The following AGTPBP1 variants were observed in gnomAD, a reference collection of about 807,000 sequenced individuals.
AGTPBP1 encodes ATP/GTP binding carboxypeptidase 1, also known as cytosolic carboxypeptidase 1.
A neutral mutation model predicts 143.9 loss-of-function variants in AGTPBP1; 70 were observed. The observed-to-expected ratio is 0.49, with a 90% CI of 0.40 to 0.59. The LOEUF (loss-of-function observed/expected upper bound fraction) is 0.59. Ranked by LOEUF, AGTPBP1 falls within the 20% of genes least tolerant of loss-of-function variation. The pLI is 0.00. For missense variants in AGTPBP1, 1,229 were observed against 1,464.5 expected, an observed-to-expected ratio of 0.84 and a Z score of 2.62; for synonymous variants, 463 against 500.2, an observed-to-expected ratio of 0.93 and a Z score of 0.99.
At chr9:85,704,746 A>G (rs575582462) in intron 2 of AGTPBP1, among the ~76,000 whole-genome samples, 2 of 152,336 alleles carry the variant, frequency 1.3e-5, no homozygotes, top group East Asian at 3.9e-4. Flanking sequence ...GGTAAGTACA[A>G]TCTATAATGG....
chr9:85,763,342 C>T, the AGTPBP1 span, among the ~76,000 whole-genome samples: 11 of 151,990 alleles, frequency 7.2e-5, no homozygotes, highest in Non-Finnish European at 1.3e-4. Context: ...AGACCCAGGA[C>T]AACTGGTCCA....
At chr9:85,608,880 T>C (rs1830141894) in intron 17 of AGTPBP1, among the ~76,000 whole-genome samples, 1 of 151,604 alleles carries the variant, frequency 6.6e-6, no homozygotes, top group African/African-American at 2.4e-5. Flanking sequence ...GAAGAATAAT[T>C]TGGGATATCA....
the AGTPBP1 span, among the ~76,000 whole-genome samples, chr9:85,752,869 G>T: frequency 6.6e-6 from 1 of 152,076 alleles, no homozygotes; most frequent in Non-Finnish European, 1.5e-5. Context: ...TAAAAAATTA[G>T]CTGGATGTGG....
Position 85,712,582 on chromosome 9 carries a change from T to TA in AGTPBP1, c.-33-17dup, listed in dbSNP as rs1388659232. 7.8e-7 allele frequency: 1 copy of TA among 1,283,302 alleles called. No homozygotes were observed. Among genetic ancestry groups the TA allele is most frequent in the African/African-American group, 1.5e-5 (1 of 66,110 alleles). 79.5% of individuals were successfully genotyped at this position (1,283,302 alleles called of 1,614,324 possible). A position where few individuals can be genotyped will look rare whatever the true frequency, so the allele number is the denominator to read the frequency against. ...TGCAGATAATCTAAAAGAAAAATGT[T>TA]AATGATATTAAAAACTTATAACTCT... On this transcript the variant is annotated splice_polypyrimidine_tract_variant and intron_variant, in intron 1 of 25. Transcript: ENST00000357081.
At chr9:85,677,616 A>G in intron 5 of AGTPBP1, 34 bp from the exon 6 acceptor site, 1 of 1,461,452 alleles carries the variant, frequency 6.8e-7, no homozygotes, top group Non-Finnish European at 9.1e-7. Flanking sequence ...TTTAAACAAC[A>G]AATTAAAAAA....
the AGTPBP1 span, among the ~76,000 whole-genome samples, chr9:85,758,307 C>G: frequency 9.9e-5 from 15 of 152,222 alleles, no homozygotes; most frequent in African/African-American, 3.6e-4. Flanking sequence ...CTATAAAGAA[C>G]TACAAGTTAT....
At chr9:85,576,369 A>G (rs1040421369) in intron 24 of AGTPBP1, among the ~76,000 whole-genome samples, 9 of 152,196 alleles carry the variant, frequency 5.9e-5, no homozygotes, top group African/African-American at 2.2e-4. Context: ...GGCACACGGT[A>G]ACTGAAGAAA....
chr9:85,593,206 C>G (rs916201510), intron 18 of AGTPBP1, among the ~76,000 whole-genome samples: 4 of 152,122 alleles, frequency 2.6e-5, no homozygotes, highest in Non-Finnish European at 5.9e-5. Flanking sequence ...AAAACCAAAC[C>G]TGAAGTTGAT....
At chr9:85,620,270 C>T (rs192836184) in intron 15 of AGTPBP1, among the ~76,000 whole-genome samples, 265 of 151,892 alleles carry the variant, frequency 1.7e-3, no homozygotes, top group Non-Finnish European at 2.1e-3. Context: ...AAAAATTAGC[C>T]AGGCGTGGTG....
chr9:85,621,306 C>A, intron 14 of AGTPBP1, 21 bp from the exon 15 acceptor site: 1 of 1,256,780 alleles, frequency 8.0e-7, no homozygotes, highest in Non-Finnish European at 1.1e-6. Flanking sequence ...AAAGGTTTAA[C>A]CAAAATATAT....
intron 25 of AGTPBP1, among the ~76,000 whole-genome samples, chr9:85,548,673 TTG>T (rs774146166): frequency 5.6e-5 from 8 of 142,764 alleles, no homozygotes; most frequent in East Asian, 2.0e-4. Context: ...TGGTTTTTTT[TTG>T]TTTTTGTTTT....
chr9:85,717,948 G>A (rs990698497), intron 1 of AGTPBP1, among the ~76,000 whole-genome samples: 2 of 151,946 alleles, frequency 1.3e-5, no homozygotes, highest in South Asian at 4.2e-4. Context: ...CTGTCCTTGT[G>A]ATAGTTTGCT....
chr9:85,641,828 A>G (rs1357168615), intron 13 of AGTPBP1, among the ~76,000 whole-genome samples: 1 of 151,888 alleles, frequency 6.6e-6, no homozygotes, highest in Non-Finnish European at 1.5e-5. Context: ...GCCTCCGAGT[A>G]GCTGCAACTA....
chr9:85,747,671 A>G, the AGTPBP1 span, among the ~76,000 whole-genome samples: 1 of 152,158 alleles, frequency 6.6e-6, no homozygotes, highest in East Asian at 1.9e-4. Flanking sequence ...TGACACTATA[A>G]GACAACCCAG....
Position 85,546,896 on chromosome 9 carries a change from C to T in AGTPBP1, c.*213G>A, listed in dbSNP as rs921778605. ...AAATCCAATATTTGATCATTCAATGCTACATAAAGTGCATTGAATATCGAA... is the reference window on the plus strand; with the variant it reads ...AAATCCAATATTTGATCATTCAATGTTACATAAAGTGCATTGAATATCGAA... On this transcript the variant is annotated 3_prime_UTR_variant, in exon 26 of 26. Transcript: ENST00000357081. The T allele has an allele frequency of 1.0e-5, 4 of 395,342 alleles. No individual in the cohort carries two copies. The highest frequency in any genetic ancestry group is 6.4e-5 in the South Asian group (1 of 15,654). 24.5% of individuals were successfully genotyped at this position (395,342 alleles called of 1,614,324 possible).
the AGTPBP1 span, among the ~76,000 whole-genome samples, chr9:85,758,489 A>G: frequency 2.6e-5 from 4 of 152,144 alleles, no homozygotes; most frequent in African/African-American, 9.7e-5. Flanking sequence ...TTCTAAAAAT[A>G]CAAAAATTAG....
chr9:85,640,080 T>C (rs925553145), intron 13 of AGTPBP1, among the ~76,000 whole-genome samples: 20 of 152,214 alleles, frequency 1.3e-4, no homozygotes, highest in African/African-American at 4.8e-4. Flanking sequence ...AAAGTCATAA[T>C]TGAAACTAAC....
In AGTPBP1 at chr9:85,588,736, A is replaced by G. The variant is rs1828768841; in HGVS notation, c.2723-258T>C. 2.6e-5 allele frequency among the ~76,000 whole-genome samples: 4 copies of G among 152,286 alleles called. No homozygotes were observed. The South Asian group carries it at 8.3e-4, about 32-fold the overall frequency. On this transcript the variant is annotated intron_variant, in intron 20 of 25. Transcript: ENST00000357081. The stretch of plus-strand genomic sequence containing the variant: ...ATTTGATCCACTTATTCATTTCCCA[A>G]TGACTAATTTAACATGTAAAATTCG...
At chr9:85,663,595 A>G (rs1242680476) in intron 8 of AGTPBP1, among the ~76,000 whole-genome samples, 1 of 151,610 alleles carries the variant, frequency 6.6e-6, no homozygotes, top group Admixed American at 6.6e-5. Context: ...AAAGCAAGGA[A>G]AAAAAGACCC....
Sources: allele counts gnomAD v4.1 joint callset (sites outside exome capture counted in the v4.1 genomes callset), GRCh38; gene constraint gnomAD v4.1.1; transcripts MANE v1.5; gene names NCBI Gene and HGNC (gene_info 2026-07-23, HGNC 2026-07-21).